Variants in GAA observed in about 807,000 individuals in gnomAD.
The protein encoded by GAA is alpha glucosidase, also known as lysosomal alpha-glucosidase.
GAA carries 88 observed loss-of-function variants against 103.9 expected under a neutral mutation model. The ratio of observed to expected loss-of-function variants is 0.85; its 90% confidence interval spans 0.71 to 1.01. The LOEUF (loss-of-function observed/expected upper bound fraction) is 1.01, where lower values mean the gene tolerates loss of function less well. Ranked by LOEUF, GAA falls within the 50% of genes least tolerant of loss-of-function variation. GAA has a pLI of 0.00. For missense variants in GAA, 1,350 were observed against 1,305.3 expected (o/e 1.03, Z -0.53); for synonymous variants, 572 against 563.1 (o/e 1.02, Z -0.22).
chr17:80,103,342 C>T (rs1172259997), intron 1 of GAA, among the ~76,000 whole-genome samples: 1 of 152,160 alleles, frequency 6.6e-6, no homozygotes. Flanking sequence ...CTGCATCCCT[C>T]CCCCATGGCC....
rs763048948 is a variant in GAA, at chr17:80,117,672, GGGCAGTGGGTGACGCTGCC to G, written c.2408_2426del (p.Gln803ProfsTer39). 1.9e-6 allele frequency: 3 copies of G among 1,612,702 alleles called. No individual in the cohort carries two copies. In the Admixed American group the frequency reaches 5.0e-5, roughly 27 times the overall value. ...CCGTGAGCCAGCCATCCACAGCGAG[GGGCAGTGGGTGACGCTGCC>G]GGCCCCCCTGGACACCATCAACGTC... On this transcript the variant is annotated frameshift_variant, in exon 17 of 20. Transcript: ENST00000302262. LOFTEE classifies it high-confidence loss of function.
Position 80,119,640 on chromosome 17 carries a change from C to G in GAA, c.*309C>G, listed in dbSNP as rs886053550. 2.5e-6 allele frequency: 1 copy of G among 392,250 alleles called. No individual in the cohort carries two copies. Among genetic ancestry groups the G allele is most frequent in the Admixed American group, 3.6e-5 (1 of 27,478 alleles). 24.3% of individuals were successfully genotyped at this position (392,250 alleles called of 1,614,324 possible). A position where few individuals can be genotyped will look rare whatever the true frequency, so the allele number is the denominator to read the frequency against. On this transcript the variant is annotated 3_prime_UTR_variant, in exon 20 of 20. Coordinates refer to ENST00000302262, the MANE Select transcript of GAA (RefSeq NM_000152.5). ...GCCGGCATGCGGGTAGTATTAGCCA[C>G]CCCCCTCCATCTGTTCCCAGCACCG... is the stretch of plus-strand genomic sequence containing the variant.
intron 10 of GAA, 27 bp from the exon 11 acceptor site, chr17:80,110,914 C>G: frequency 3.7e-6 from 6 of 1,613,780 alleles, no homozygotes; most frequent in Non-Finnish European, 5.1e-6. Context: ...TGGGCAGAGT[C>G]ACCTACCAGC....
rs757458607 is a variant in GAA at position 80,108,554 on chromosome 17, AC to A, written c.1143del (p.Ala382LeufsTer10). The A allele has an allele frequency of 1.2e-6, 2 of 1,612,628 alleles. No homozygotes were observed. The highest frequency in any genetic ancestry group is 1.7e-6 in the Non-Finnish European group (2 of 1,179,810). On this transcript the variant is annotated frameshift_variant, in exon 7 of 20. Transcript: ENST00000302262. LOFTEE classifies it high-confidence loss of function. ...FHLCRWGYSS[T>X]AITRQVVENM... is the part of the protein sequence containing the mutation. Reference sequence around the variant, plus strand: ...CCTGTGCCGCTGGGGCTACTCCTCCACCGCTATCACCCGCCAGGTGGTGGAG... The same window carrying A: ...CCTGTGCCGCTGGGGCTACTCCTCCACGCTATCACCCGCCAGGTGGTGGAG...
At chr17:80,102,901 C>T (rs1035907008) in intron 1 of GAA, among the ~76,000 whole-genome samples, 1 of 152,132 alleles carries the variant, frequency 6.6e-6, no homozygotes, top group African/African-American at 2.4e-5. Context: ...GTGCTGACTC[C>T]AGGTAGTGTC....
Position 80,118,209 on chromosome 17 carries a change from CCA to C in GAA, c.2501_2502del (p.Thr834ArgfsTer49), listed in dbSNP as rs886043343. 3 of 1,613,152 alleles carry C rather than the reference CCA, an allele frequency of 1.9e-6. No individual in the cohort carries two copies. The highest frequency in any genetic ancestry group is 3.3e-5 in the Admixed American group (2 of 59,988). On this transcript the variant is annotated frameshift_variant, in exon 18 of 20. Coordinates refer to ENST00000302262, the MANE Select transcript of GAA (RefSeq NM_000152.5). LOFTEE classifies it high-confidence loss of function. ...CCTTTCCAGGGCCCTGGCCTCACAACCACAGAGTCCCGCCAGCAGCCCATGGC... is the reference window on the plus strand; with the variant it reads ...CCTTTCCAGGGCCCTGGCCTCACAACCAGAGTCCCGCCAGCAGCCCATGGC...
Position 80,104,003 on chromosome 17 carries a change from C to G in GAA, c.-32-552C>G, listed in dbSNP as rs983503954. ...GGGCTCCCAGCCAGGCGTGGTCACTCCTGAAATCCCAGCACTTCGGAAGGC... is the reference window on the plus strand; with the variant it reads ...GGGCTCCCAGCCAGGCGTGGTCACTGCTGAAATCCCAGCACTTCGGAAGGC... On this transcript the variant is annotated intron_variant, in intron 1 of 19. Transcript: ENST00000302262. The surrounding 1 kb of genome is among the most constrained non-coding windows in gnomAD (Gnocchi z 4.0). Among the ~76,000 whole-genome samples the G allele has an allele frequency of 6.6e-5, 10 of 152,200 alleles. No individual in the cohort carries two copies. Among genetic ancestry groups the G allele is most frequent in the African/African-American group, 1.7e-4 (7 of 41,444 alleles).
Position 80,113,356 on chromosome 17 carries a change from C to T in GAA, c.2179C>T (p.Leu727Phe), listed in dbSNP as rs1290010789. 2 of 1,581,706 alleles carry T rather than the reference C, an allele frequency of 1.3e-6. No individual in the cohort carries two copies. The highest frequency in any genetic ancestry group is 2.7e-5 in the African/African-American group (2 of 74,426). The stretch of plus-strand genomic sequence containing the variant: ...CGCGGGGGAGACCGTGGCCCGGCCC[C>T]TCTTCCTGGAGTGAGTGACCTAGGC... ...HVAGETVARP[L>F]FLEFPKDSST... Residue 727 changes from leucine (L) to phenylalanine (F), a missense_variant, in exon 15 of 20, where the codon CTC (leucine) becomes TTC (phenylalanine). Coordinates refer to ENST00000302262, the MANE Select transcript of GAA (RefSeq NM_000152.5).
intron 1 of GAA, among the ~76,000 whole-genome samples, chr17:80,103,910 A>G (rs1312162928): frequency 6.6e-6 from 1 of 152,164 alleles, no homozygotes; most frequent in Non-Finnish European, 1.5e-5. Context: ...CCCCCTAAGG[A>G]CATACGAGTT....
intron 3 of GAA, among the ~76,000 whole-genome samples, chr17:80,106,941 T>C (rs541022410): frequency 1.3e-5 from 2 of 152,262 alleles, no homozygotes; most frequent in East Asian, 3.9e-4. Context: ...ACAGGCATCT[T>C]ATCAGATCTC....
intron 6 of GAA, 36 bp from the exon 7 acceptor site, chr17:80,108,453 T>TCCTC (rs2039147560): frequency 1.9e-6 from 3 of 1,613,126 alleles, no homozygotes; most frequent in Non-Finnish European, 2.5e-6. Context: ...CAAGGCTCCC[T>TCCTC]CCTCCCTCCC....
At chr17:80,109,679 A>G (rs2039183140) in intron 8 of GAA, among the ~76,000 whole-genome samples, 1 of 149,278 alleles carries the variant, frequency 6.7e-6, no homozygotes, top group Non-Finnish European at 1.5e-5. Flanking sequence ...ACTGTAGAAC[A>G]CTTGGGAAAC....
Position 80,104,628 on chromosome 17 carries a change from C to T in GAA, c.42C>T (p.Ala14=), listed in dbSNP as rs141377453. The T allele has an allele frequency of 3.7e-6, 6 of 1,612,952 alleles. No individual in the cohort carries two copies. Among genetic ancestry groups the T allele is most frequent in the East Asian group, 2.2e-5 (1 of 44,878 alleles). ...RHPPCSHRLL[A]VCALVSLATA... Reference sequence around the variant, plus strand: ...CGCCCTGCTCCCACCGGCTCCTGGCCGTCTGCGCCCTCGTGTCCTTGGCAA... The same window carrying T: ...CGCCCTGCTCCCACCGGCTCCTGGCTGTCTGCGCCCTCGTGTCCTTGGCAA... The change falls in exon 2 of 20, where the codon GCC becomes GCT. Residue 14 remains alanine, a synonymous_variant. Transcript: ENST00000302262. This position sits in a 1 kb window ranked among gnomAD's most constrained non-coding sequence, Gnocchi z 4.0.
At chr17:80,110,108 G>T (rs560322872) in intron 9 of GAA, 53 bp downstream of exon 9, 5 of 1,426,926 alleles carry the variant, frequency 3.5e-6, no homozygotes, top group Non-Finnish European at 4.9e-6. Context: ...CTCCAGCCAG[G>T]GGGAGCCGGC....
intron 5 of GAA, 96 bp from the exon 6 acceptor site, chr17:80,108,194 G>C: frequency 6.2e-7 from 1 of 1,601,078 alleles, no homozygotes; most frequent in East Asian, 2.2e-5. Context: ...TGGGGAGAGA[G>C]CCTCAACTCT....
chr17:80,118,316 G>A lies in GAA; in HGVS notation c.2605G>A (p.Glu869Lys). The A allele has an allele frequency of 6.3e-7, 1 of 1,584,376 alleles. No homozygotes were observed. The highest frequency in any genetic ancestry group is 8.6e-7 in the Non-Finnish European group (1 of 1,163,242). ...WDDGESLEVL[E>K]RGAYTQVIFL... Reference sequence around the variant, plus strand: ...CGATGGAGAGAGCCTGGAAGTGCTGGAGCGAGGGGCCTACACACAGGTCAT... The same window carrying A: ...CGATGGAGAGAGCCTGGAAGTGCTGAAGCGAGGGGCCTACACACAGGTCAT... Residue 869 changes from glutamate to lysine, a missense_variant, in exon 18 of 20, where the codon GAG becomes AAG. Coordinates refer to ENST00000302262, the MANE Select transcript of GAA (RefSeq NM_000152.5).
At chr17:80,107,525 G>A (rs1306989201) in intron 3 of GAA, 32 bp from the exon 4 acceptor site, 1 of 1,612,602 alleles carries the variant, frequency 6.2e-7, no homozygotes, top group South Asian at 1.1e-5. Flanking sequence ...CCCCTTGGGT[G>A]TGAGCAAGCC....
In GAA at chr17:80,113,269, G is replaced by A. The variant is rs367632754; in HGVS notation, c.2092G>A (p.Ala698Thr). 3.7e-5 allele frequency: 60 copies of A among 1,602,036 alleles called. No individual in the cohort carries two copies. In the Middle Eastern group the frequency reaches 1.6e-3, roughly 44 times the overall value. ...GCCGGCCCAGCAGGCCATGAGGAAG[G>A]CCCTCACCCTGCGCTACGCACTCCT... ...SEPAQQAMRK[A>T]LTLRYALLPH... Residue 698 changes from alanine (A) to threonine (T), a missense_variant, in exon 15 of 20, where the codon GCC becomes ACC. Transcript: ENST00000302262.
rs1326313088 is a variant in GAA, at chr17:80,105,906, G to A, written c.692+12G>A. 2 of 1,587,798 alleles carry A rather than the reference G, an allele frequency of 1.3e-6. No individual in the cohort carries two copies. Among genetic ancestry groups the A allele is most frequent in the East Asian group, 2.2e-5 (1 of 44,574 alleles). On this transcript the variant is annotated intron_variant, in intron 3 of 19. Transcript: ENST00000302262. Reference sequence around the variant, plus strand: ...GACGGCCGCGTGCTGTGAGTTCTGGGCTCTGTGCCAGCATGATGGGGAGGG... The same window carrying A: ...GACGGCCGCGTGCTGTGAGTTCTGGACTCTGTGCCAGCATGATGGGGAGGG...
Sources: allele counts gnomAD v4.1 joint callset (sites outside exome capture counted in the v4.1 genomes callset), GRCh38; gene constraint gnomAD v4.1.1; non-coding constraint Gnocchi (gnomAD v3.1); transcripts MANE v1.5; gene names NCBI Gene and HGNC (gene_info 2026-07-23, HGNC 2026-07-21).